OR2C1: variants seen among roughly 807,000 people sequenced by gnomAD.
The protein encoded by OR2C1 is olfactory receptor family 2 subfamily C member 1, also known as olfactory receptor 2C1.
For synonymous variants in OR2C1, 209 were observed against 167.3 expected (o/e 1.25, Z -1.92); for missense variants, 468 against 388.3 (o/e 1.21, Z -1.73).
At chr16:3,349,634 G>A in the OR2C1 span, among the ~76,000 whole-genome samples, 1 of 152,124 alleles carries the variant, frequency 6.6e-6, no homozygotes, top group East Asian at 1.9e-4. Flanking sequence ...AAAGAATCCA[G>A]GATATAAGAG....
Position 3,356,652 on chromosome 16 carries a change from T to TC in OR2C1, c.712_713insC (p.Phe238SerfsTer95). On this transcript the variant is annotated frameshift_variant, in exon 1 of 1. Transcript: ENST00000304936. LOFTEE classifies it low-confidence loss of function (END_TRUNC). Reference sequence around the variant, plus strand: ...CTCTGCAGAGGGGAGGCGAAAGGCGTTCAATACGTGCCTCTCCCATCTGCT... The same window carrying TC: ...CTCTGCAGAGGGGAGGCGAAAGGCGTCTCAATACGTGCCTCTCCCATCTGCT... The TC allele has an allele frequency of 6.2e-7, 1 of 1,614,122 alleles. No homozygotes were observed. The highest frequency in any genetic ancestry group is 8.5e-7 in the Non-Finnish European group (1 of 1,180,020).
At chr16:3,322,941 A>T in the OR2C1 span, 2 of 985,306 alleles carry the variant, frequency 2.0e-6, no homozygotes, top group Non-Finnish European at 2.4e-6. Context: ...AAGCAGGACT[A>T]CTTCCGCCGA....
chr16:3,342,042 C>T, the OR2C1 span, among the ~76,000 whole-genome samples: 1 of 152,042 alleles, frequency 6.6e-6, no homozygotes, highest in East Asian at 1.9e-4. Context: ...GGAAATATAC[C>T]AGATGTCCTT....
chr16:3,340,979 C>T, the OR2C1 span, among the ~76,000 whole-genome samples: 1 of 150,274 alleles, frequency 6.7e-6, no homozygotes, highest in African/African-American at 2.4e-5. Context: ...CTTTTCCTTC[C>T]TGCAAAAAAA....
chr16:3,356,869 A>G lies in OR2C1; in HGVS notation c.929A>G (p.Glu310Gly). The change falls in exon 1 of 1, where the codon GAA (glutamate) becomes GGA (glycine). Residue 310 changes from glutamate to glycine, a missense_variant. Transcript: ENST00000304936. ...AGGAGGTTGCTGGGGAAAGGAAGAGAAGTTGGCTGAGAGAACACTCCTTCG... is the reference window on the plus strand; with the variant it reads ...AGGAGGTTGCTGGGGAAAGGAAGAGGAGTTGGCTGAGAGAACACTCCTTCG... The part of the protein sequence containing the change: ...ALRRLLGKGR[E>G]VG 1 of 1,587,104 alleles carries G rather than the reference A, an allele frequency of 6.3e-7. No homozygotes were observed.
chr16:3,349,763 G>C, the OR2C1 span, among the ~76,000 whole-genome samples: 1 of 152,002 alleles, frequency 6.6e-6, no homozygotes, highest in East Asian at 2.0e-4. Context: ...GGGGCCAGGC[G>C]TGGTGGTACA....
At chr16:3,346,315 G>C in the OR2C1 span, among the ~76,000 whole-genome samples, 3 of 152,130 alleles carry the variant, frequency 2.0e-5, no homozygotes, top group Non-Finnish European at 2.9e-5. Context: ...AATGATTGTT[G>C]AATGAATAAA....
At chr16:3,348,412 A>G in the OR2C1 span, among the ~76,000 whole-genome samples, 1 of 152,180 alleles carries the variant, frequency 6.6e-6, no homozygotes, top group African/African-American at 2.4e-5. Context: ...GTGGCTGTGC[A>G]GTTTACTAGC....
rs1167039846 is a variant in OR2C1 at position 3,356,378 on chromosome 16, G to C, written c.438G>C (p.Val146=). The change falls in exon 1 of 1, where the codon GTG becomes GTC. Residue 146 remains valine (V), a synonymous_variant. Coordinates refer to ENST00000304936, the MANE Select transcript of OR2C1 (RefSeq NM_012368.3). ...CCCAGCTCTGCTGGCTGCTGGCTGT[G>C]ATTGCCTGCCTGGGTGGCTTGGGCA... The part of the protein sequence containing the change: ...MNPQLCWLLA[V]IACLGGLGNS... The C allele has an allele frequency of 1.1e-5, 17 of 1,613,778 alleles. No individual in the cohort carries two copies. The highest frequency in any genetic ancestry group is 1.4e-5 in the Non-Finnish European group (17 of 1,180,034).
At chr16:3,336,428 C>G in the OR2C1 span, among the ~76,000 whole-genome samples, 101 of 152,068 alleles carry the variant, frequency 6.6e-4, 1 homozygote, top group African/African-American at 2.4e-3. Context: ...GTGGCGTGAT[C>G]TTGGCTGACT....
chr16:3,323,481 G>C, the OR2C1 span: 4,084 of 735,530 alleles, frequency 5.6e-3, 21 homozygotes, highest in Non-Finnish European at 6.9e-3. Flanking sequence ...ATGAATTCCC[G>C]GACAGACTTC....
chr16:3,342,252 AAAAAT>A, the OR2C1 span, among the ~76,000 whole-genome samples: 1 of 152,196 alleles, frequency 6.6e-6, no homozygotes, highest in Non-Finnish European at 1.5e-5. Context: ...CCCTGCCTCA[AAAAAT>A]AAAATAAAAC....
chr16:3,352,549 A>C (rs907994462), upstream of OR2C1, among the ~76,000 whole-genome samples: 1 of 152,058 alleles, frequency 6.6e-6, no homozygotes. Flanking sequence ...ACTATTAACT[A>C]TGTATTTTTT....
Position 3,356,526 on chromosome 16 carries a change from C to G in OR2C1, c.586C>G (p.Gln196Glu), listed in dbSNP as rs1366000504. ...GGCCTGTGGCGACACAAGTCTCAAC[C>G]AGGCTGTGCTCAATGGTGTCTGCAC... is the stretch of plus-strand genomic sequence containing the variant. The part of the protein sequence containing the change: ...KLACGDTSLN[Q>E]AVLNGVCTFF... Residue 196 changes from glutamine to glutamate, a missense_variant, in exon 1 of 1, where the codon CAG becomes GAG. Coordinates refer to ENST00000304936, the MANE Select transcript of OR2C1 (RefSeq NM_012368.3). 6.2e-7 allele frequency: 1 copy of G among 1,614,042 alleles called. No individual in the cohort carries two copies. Among genetic ancestry groups the G allele is most frequent in the Middle Eastern group, 1.6e-4 (1 of 6,084 alleles).
chr16:3,323,507 C>T, the OR2C1 span: 4 of 741,726 alleles, frequency 5.4e-6, no homozygotes, highest in African/African-American at 6.9e-5. Context: ...TGGAAATCCC[C>T]AGATCACATA....
At position 3,356,485 on chromosome 16, in the gene OR2C1, C is replaced by G; in HGVS notation, c.545C>G (p.Pro182Arg). ...RRVEGFLCEV[P>R]AMIKLACGDT... The stretch of plus-strand genomic sequence containing the variant: ...GTGGAGGGATTCCTCTGCGAGGTGC[C>G]TGCCATGATCAAACTGGCCTGTGGC... The change falls in exon 1 of 1, where the codon CCT (proline) becomes CGT (arginine). Residue 182 changes from proline (P) to arginine (R), a missense_variant. Coordinates refer to ENST00000304936, the MANE Select transcript of OR2C1 (RefSeq NM_012368.3). The G allele has an allele frequency of 1.9e-6, 3 of 1,614,134 alleles. No homozygotes were observed. The highest frequency in any genetic ancestry group is 2.5e-6 in the Non-Finnish European group (3 of 1,180,048).
At chr16:3,354,620 T>C (rs556094593), upstream of OR2C1, among the ~76,000 whole-genome samples, 2 of 152,338 alleles carry the variant, frequency 1.3e-5, no homozygotes, top group East Asian at 3.9e-4. Flanking sequence ...AACATCATCT[T>C]TCTAGATCCA....
chr16:3,342,054 T>C, the OR2C1 span, among the ~76,000 whole-genome samples: 1 of 152,170 alleles, frequency 6.6e-6, no homozygotes, highest in Non-Finnish European at 1.5e-5. Context: ...GATGTCCTTT[T>C]ATGGATCAGT....
At chr16:3,341,747 C>G in the OR2C1 span, among the ~76,000 whole-genome samples, 2 of 152,158 alleles carry the variant, frequency 1.3e-5, no homozygotes, top group Non-Finnish European at 2.9e-5. Flanking sequence ...TGCCATCTTC[C>G]TGGCACATGG....
Sources: gnomAD v4.1 joint callset for allele counts (sites outside exome capture counted in the v4.1 genomes callset) on GRCh38, gnomAD v4.1.1 for gene constraint, MANE v1.5 for transcripts, NCBI Gene and HGNC (gene_info 2026-07-23, HGNC 2026-07-21) for gene names.